Variants in TIAM2 observed in about 807,000 individuals in gnomAD.
TIAM2 encodes TIAM Rac1 associated GEF 2, also known as rho guanine nucleotide exchange factor TIAM2.
Under a neutral mutation model 152.9 loss-of-function variants are expected in TIAM2, and 80 were observed. That is an observed-to-expected ratio of 0.52 (90% CI 0.44 to 0.63). The LOEUF is 0.63. Among genes scored for constraint, TIAM2 ranks in the 30% least tolerant of loss-of-function variants. The pLI, the probability that TIAM2 is intolerant of heterozygous loss-of-function variation, is 0.00. For missense variants in TIAM2, 1,965 were observed against 2,120.1 expected (o/e 0.93, Z 1.44); for synonymous variants, 804 against 838.0 (o/e 0.96, Z 0.70).
At chr6:155,121,733 G>T (rs1779155250) in intron 2 of TIAM2, among the ~76,000 whole-genome samples, 1 of 152,156 alleles carries the variant, frequency 6.6e-6, no homozygotes, top group South Asian at 2.1e-4. Flanking sequence ...AATCTCTCTG[G>T]AGCGACGTGA....
rs1347964108 is a variant in TIAM2, at chr6:155,129,174, T to C, written c.-6-44T>C. Reference sequence around the variant, plus strand: ...TAGAAAGTTCTGTCATAATGGAATGTAATTTAGGCCACGGTCTTACTGATG... The same window carrying C: ...TAGAAAGTTCTGTCATAATGGAATGCAATTTAGGCCACGGTCTTACTGATG... On this transcript the variant is annotated intron_variant, in intron 3 of 26. Coordinates refer to ENST00000682666, the MANE Select transcript of TIAM2 (RefSeq NM_012454.4). This position sits in a 1 kb window ranked among gnomAD's most constrained non-coding sequence, Gnocchi z 4.8. The C allele has an allele frequency of 6.4e-7, 1 of 1,556,478 alleles. No homozygotes were observed. The highest frequency in any genetic ancestry group is 1.4e-5 in the African/African-American group (1 of 73,438).
chr6:155,179,263 T>G, intron 11 of TIAM2, 115 bp from the exon 12 acceptor site: 1 of 1,416,296 alleles, frequency 7.1e-7, no homozygotes, highest in Middle Eastern at 1.8e-4. Context: ...GGAAACAGTC[T>G]CTATATAAAC....
At chr6:155,140,895 G>C (rs9371866) in intron 5 of TIAM2, among the ~76,000 whole-genome samples, 113,647 of 152,068 alleles carry the variant, frequency 0.75, 42,849 homozygotes, top group African/African-American at 0.85. Flanking sequence ...TTTGATTTCT[G>C]TGCTACTGAC....
At chr6:155,236,070 C>T (rs555622365) in intron 15 of TIAM2, among the ~76,000 whole-genome samples, 1 of 152,100 alleles carries the variant, frequency 6.6e-6, no homozygotes, top group African/African-American at 2.4e-5. Flanking sequence ...TGGTGCAAAT[C>T]CCAGTACAGA....
intron 14 of TIAM2, among the ~76,000 whole-genome samples, chr6:155,188,034 T>C (rs992262044): frequency 1.3e-5 from 2 of 152,182 alleles, no homozygotes; most frequent in African/African-American, 2.4e-5. Flanking sequence ...ACTGAGGCAG[T>C]AGGACTTACT....
At chr6:155,204,772 C>T (rs1021409936) in intron 14 of TIAM2, among the ~76,000 whole-genome samples, 3 of 152,200 alleles carry the variant, frequency 2.0e-5, no homozygotes, top group East Asian at 3.8e-4. Context: ...TATTGAAGCA[C>T]GGCTTTTTCC....
chr6:155,049,928 G>T (rs1283976606), intron 1 of TIAM2, among the ~76,000 whole-genome samples: 2 of 152,068 alleles, frequency 1.3e-5, no homozygotes, highest in Non-Finnish European at 2.9e-5. Flanking sequence ...TGATAGTCTT[G>T]GCAGTAGGAC....
intron 1 of TIAM2, among the ~76,000 whole-genome samples, chr6:154,997,911 TGTAGGCATGAGCCACC>T (rs1160514951): frequency 6.6e-6 from 1 of 152,104 alleles, no homozygotes; most frequent in East Asian, 1.9e-4. Flanking sequence ...GTGCTGGGAT[TGTAGGCATGAGCCACC>T]GTGTCCGGCC....
At chr6:155,007,485 C>T (rs533653490) in intron 1 of TIAM2, among the ~76,000 whole-genome samples, 3 of 151,342 alleles carry the variant, frequency 2.0e-5, no homozygotes, top group African/African-American at 4.8e-5. Flanking sequence ...CCCGGGTTCA[C>T]GCCATTCTTA....
intron 19 of TIAM2, among the ~76,000 whole-genome samples, chr6:155,246,468 C>T (rs1783337918): frequency 6.6e-6 from 1 of 152,150 alleles, no homozygotes; most frequent in East Asian, 1.9e-4. Flanking sequence ...CACAAACACC[C>T]TCTTTTTAAT....
chr6:155,164,707 C>T, intron 8 of TIAM2, 107 bp downstream of exon 8: 1 of 1,371,920 alleles, frequency 7.3e-7, no homozygotes, highest in Non-Finnish European at 9.9e-7. Context: ...GACCCAACAA[C>T]TGACACCTAG....
At chr6:155,045,765 G>A (rs1043916912) in intron 1 of TIAM2, among the ~76,000 whole-genome samples, 1 of 149,340 alleles carries the variant, frequency 6.7e-6, no homozygotes, top group Non-Finnish European at 1.5e-5. Context: ...GCCGCCCTTT[G>A]TGTGGAGGTT....
Position 155,240,561 on chromosome 6 carries a change from G to A in TIAM2, c.3200G>A (p.Ser1067Asn), listed in dbSNP as rs1471409704. Reference protein sequence around the residue: ...SAEQITALCRSFNDSQANGME... With the variant: ...SAEQITALCRNFNDSQANGME... ...GAGCAGATCACTGCACTGTGCAGGA[G>A]TTTTAACGACAGTCAGGCCAACGGC... Residue 1067 changes from serine to asparagine, a missense_variant, in exon 16 of 27, where the codon AGT (serine) becomes AAT (asparagine). Around this residue, in one of 3 missense-constraint regions of TIAM2, gnomAD observed 935 missense variants for 980.0 expected, o/e 0.95. Coordinates refer to ENST00000682666, the MANE Select transcript of TIAM2 (RefSeq NM_012454.4). 3 of 1,613,968 alleles carry A rather than the reference G, an allele frequency of 1.9e-6. No individual in the cohort carries two copies. The African/African-American group carries it at 4.0e-5, about 22-fold the overall frequency.
At chr6:155,178,895 C>T (rs191755579) in intron 10 of TIAM2, 144 bp from the exon 11 acceptor site, 35 of 670,420 alleles carry the variant, frequency 5.2e-5, no homozygotes, top group East Asian at 4.9e-4. Context: ...TATTTAAATT[C>T]GAGCTCTTAT....
At chr6:155,098,975 G>A (rs926714042) in intron 2 of TIAM2, among the ~76,000 whole-genome samples, 1 of 152,136 alleles carries the variant, frequency 6.6e-6, no homozygotes, top group Admixed American at 6.5e-5. Context: ...ATCACCTCAG[G>A]TCAGGAGTTT....
chr6:155,198,026 G>A (rs879463658), intron 14 of TIAM2, among the ~76,000 whole-genome samples: 26 of 152,196 alleles, frequency 1.7e-4, no homozygotes, highest in South Asian at 6.2e-4. Flanking sequence ...TGGGATCTCT[G>A]GGAGTAGAAG....
rs780969514 is a variant in TIAM2 at position 155,183,385 on chromosome 6, A to C, written c.2949A>C (p.Thr983=). 5 of 1,613,456 alleles carry C rather than the reference A, an allele frequency of 3.1e-6. No individual in the cohort carries two copies. In the South Asian group the frequency reaches 5.5e-5, roughly 18 times the overall value. Residue 983 remains threonine, a synonymous_variant, in exon 14 of 27, where the codon ACA becomes ACC. Coordinates refer to ENST00000682666, the MANE Select transcript of TIAM2 (RefSeq NM_012454.4). ...RPPDTKATLC[T]SWSDSDLFSR... ...CGGACACAAAAGCAACCCTGTGTAC[A>C]TCCTGGTCAGACAGTGACCTGTTCT...
chr6:155,072,961 T>A (rs932138249), intron 1 of TIAM2, among the ~76,000 whole-genome samples: 2 of 152,160 alleles, frequency 1.3e-5, no homozygotes, highest in Non-Finnish European at 2.9e-5. Context: ...TTACTAAAGA[T>A]GAACTGTAGT....
intron 15 of TIAM2, 83 bp downstream of exon 15, chr6:155,211,390 A>G: frequency 9.1e-7 from 1 of 1,096,096 alleles, no homozygotes; most frequent in South Asian, 1.3e-5. Flanking sequence ...GGGAAAGGAG[A>G]TGGAGTTACC....
Sources: allele counts gnomAD v4.1 joint callset (sites outside exome capture counted in the v4.1 genomes callset), GRCh38; gene constraint gnomAD v4.1.1; regional missense constraint gnomAD v4.1.1; non-coding constraint Gnocchi (gnomAD v3.1); transcripts MANE v1.5; gene names NCBI Gene and HGNC (gene_info 2026-07-23, HGNC 2026-07-21).